PRSS58: variants seen among roughly 807,000 people sequenced by gnomAD.
PRSS58 encodes protease, serine 58.
A neutral mutation model predicts 25.0 loss-of-function variants in PRSS58; 31 were observed. The observed-to-expected ratio is 1.24, with a 90% confidence interval of 0.93 to 1.67. The LOEUF is 1.67. Among genes scored for constraint, PRSS58 ranks in the 40% most tolerant of loss-of-function variants. The pLI is 0.00. For synonymous variants in PRSS58, 119 were observed against 106.1 expected (o/e 1.12, Z -0.75); for missense variants, 324 against 287.9 (o/e 1.13, Z -0.91).
At position 142,252,573 on chromosome 7, in the gene PRSS58, C is replaced by T; in HGVS notation, c.475G>A (p.Val159Ile). The T allele has an allele frequency of 6.2e-7, 1 of 1,614,008 alleles. No individual in the cohort carries two copies. Reference protein sequence around the residue: ...PDSLQTVNISVISKPQCRDAY... With the variant: ...PDSLQTVNISIISKPQCRDAY... ...TCGCGACACTGAGGCTTGGAGATTA[C>T]AGAGATGTTCACAGTTTGCAGTGAA... The change falls in exon 5 of 6, where the codon GTA becomes ATA. Residue 159 changes from valine (V) to isoleucine (I), a missense_variant. By Grantham distance (29) the Val-to-Ile change is conservative. Coordinates refer to ENST00000547058, the MANE Select transcript of PRSS58 (RefSeq NM_001001317.5).
At chr7:142,255,381 A>G in intron 3 of PRSS58, 70 bp from the exon 4 acceptor site, 25 of 1,583,562 alleles carry the variant, frequency 1.6e-5, no homozygotes, top group Non-Finnish European at 2.2e-5. Flanking sequence ...AGCCTCTATT[A>G]TCCCTCCCCA....
intron 4 of PRSS58, 127 bp downstream of exon 4, chr7:142,254,928 A>C: frequency 1.1e-6 from 1 of 897,982 alleles, no homozygotes; most frequent in Non-Finnish European, 1.7e-6. Flanking sequence ...TCAGTGAGGT[A>C]CAGAGAAAAG....
At position 142,255,241 on chromosome 7, in the gene PRSS58, A is replaced by G. The variant is rs1215334732; in HGVS notation, c.250T>C (p.Tyr84His). 9.9e-6 allele frequency: 16 copies of G among 1,613,722 alleles called. No individual in the cohort carries two copies. Among genetic ancestry groups the G allele is most frequent in the Non-Finnish European group, 1.4e-5 (16 of 1,179,730 alleles). ...SNEKHLQVIGYEKMIHHPHFS... is the reference protein window; with the variant it reads ...SNEKHLQVIGHEKMIHHPHFS... ...TGTGGATGATGAATCATCTTCTCAT[A>G]GCCAATCACTTGCAGATGCTTTTCA... is the stretch of plus-strand genomic sequence containing the variant. Residue 84 changes from tyrosine to histidine, a missense_variant, in exon 4 of 6, where the codon TAT becomes CAT. Coordinates refer to ENST00000547058, the MANE Select transcript of PRSS58 (RefSeq NM_001001317.5).
Position 142,255,207 on chromosome 7 carries a change from A to C in PRSS58, c.284T>G (p.Val95Gly), listed in dbSNP as rs1287743137. 1.2e-6 allele frequency: 2 copies of C among 1,614,136 alleles called. No homozygotes were observed. The highest frequency in any genetic ancestry group is 1.7e-6 in the Non-Finnish European group (2 of 1,179,980). The stretch of plus-strand genomic sequence containing the variant: ...CATGATGTCATGATCAATAGAAGTG[A>C]CTGAGAAGTGTGGATGATGAATCAT... ...EKMIHHPHFSVTSIDHDIMLI... is the reference protein window; with the variant it reads ...EKMIHHPHFSGTSIDHDIMLI... Residue 95 changes from valine (V) to glycine (G), a missense_variant, in exon 4 of 6, where the codon GTC becomes GGC. Val to Gly is a moderately radical substitution (Grantham distance 109). Coordinates refer to ENST00000547058, the MANE Select transcript of PRSS58 (RefSeq NM_001001317.5).
intron 3 of PRSS58, 77 bp from the exon 4 acceptor site, chr7:142,255,388 C>A: frequency 6.3e-7 from 1 of 1,577,316 alleles, no homozygotes; most frequent in South Asian, 1.1e-5. Context: ...ATTATCCCTC[C>A]CCACAGACCT....
intron 4 of PRSS58, 111 bp downstream of exon 4, chr7:142,254,944 G>A (rs1215026603): frequency 1.8e-6 from 2 of 1,088,656 alleles, no homozygotes; most frequent in South Asian, 1.4e-5. Context: ...AAAAGGAAAG[G>A]GGGGAAAGAG....
In PRSS58 at chr7:142,252,307, C is replaced by T. The variant is rs1384729409; in HGVS notation, c.640G>A (p.Gly214Arg). The T allele has an allele frequency of 1.2e-6, 2 of 1,614,160 alleles. No homozygotes were observed. The highest frequency in any genetic ancestry group is 1.7e-6 in the Non-Finnish European group (2 of 1,180,018). ...CCAACATCAGCTCTCAAAACACATC[C>T]ATCCGCAAAAGACAGGATTCCTTGA... ...MLQGILSFAD[G>R]CVLRADVGIY... The change falls in exon 6 of 6, where the codon GGA becomes AGA. Residue 214 changes from glycine (G) to arginine (R), a missense_variant. Transcript: ENST00000547058.
intron 1 of PRSS58, 109 bp from the exon 2 acceptor site, chr7:142,257,857 G>A: frequency 1.5e-6 from 1 of 677,420 alleles, no homozygotes; most frequent in South Asian, 1.8e-5. Context: ...TAGAAATGGT[G>A]TCCATTATTC....
At chr7:142,254,886 TA>T (rs11415916) in intron 4 of PRSS58, among the ~76,000 whole-genome samples, 168 bp downstream of exon 4, 1 of 151,272 alleles carries the variant, frequency 6.6e-6, no homozygotes, top group South Asian at 2.1e-4. Context: ...AGCGGGTGAA[TA>T]AAAAAAACCC....
chr7:142,255,398 T>G (rs1563317674), intron 3 of PRSS58, 87 bp from the exon 4 acceptor site: 1 of 1,564,828 alleles, frequency 6.4e-7, no homozygotes, highest in Non-Finnish European at 8.7e-7. Flanking sequence ...CCCACAGACC[T>G]TTTTCTGTAC....
rs1326828643 is a variant in PRSS58, at chr7:142,256,889, ATGGG to A, written c.40+775_40+778del. On this transcript the variant is annotated intron_variant, in intron 2 of 5. Transcript: ENST00000547058. ...TCCAGGCAGAGGCAACAGCTGCAGC[ATGGG>A]TCCTGAGGCTTGTGTCAGTTACATC... 7.7e-3 allele frequency among the ~76,000 whole-genome samples: 1,173 copies of A among 152,314 alleles called. 4 individuals carry two copies. Among genetic ancestry groups the A allele is most frequent in the Admixed American group, 0.016 (247 of 15,300 alleles).
In PRSS58 at chr7:142,252,524, GT is replaced by G. The variant is rs755163662; in HGVS notation, c.523del (p.Thr175ArgfsTer43). The G allele has an allele frequency of 1.9e-6, 3 of 1,614,150 alleles. No individual in the cohort carries two copies. The Admixed American group carries it at 5.0e-5, about 27-fold the overall frequency. On this transcript the variant is annotated frameshift_variant, in exon 5 of 6. Transcript: ENST00000547058. LOFTEE classifies it high-confidence loss of function. ...AATGCCCACACACAGCATATTTTCCGTGATGTTGTAGGTTTTATAGGCATCG... is the reference window on the plus strand; with the variant it reads ...AATGCCCACACACAGCATATTTTCCGGATGTTGTAGGTTTTATAGGCATCG... ...CRDAYKTYNI[T>X]ENMLCVGIVP... is the part of the protein sequence containing the mutation.
intron 4 of PRSS58, among the ~76,000 whole-genome samples, chr7:142,253,294 C>T (rs774427142): frequency 6.6e-5 from 10 of 152,150 alleles, no homozygotes; most frequent in Non-Finnish European, 1.2e-4. Flanking sequence ...TCTCAATTGT[C>T]AGGTCAAAAC....
chr7:142,255,734 C>T, intron 2 of PRSS58, 61 bp from the exon 3 acceptor site: 1 of 1,485,238 alleles, frequency 6.7e-7, no homozygotes, highest in Non-Finnish European at 9.1e-7. Flanking sequence ...AGAAAAACTT[C>T]AGGAAAGTCA....
rs574152689 is a variant in PRSS58 at position 142,257,609 on chromosome 7, T to C, written c.40+59A>G. 4 of 1,452,040 alleles carry C rather than the reference T, an allele frequency of 2.8e-6. No homozygotes were observed. The African/African-American group carries it at 5.6e-5, about 20-fold the overall frequency. The allele number at this position is 1,452,040 out of a possible 1,614,324, so 89.9% of individuals were successfully genotyped here. A position where few individuals can be genotyped will look rare whatever the true frequency, so the allele number is the denominator to read the frequency against. ...GATGCCTCTCGCTGTTACCCGTCTT[T>C]CATGCTTTTCCCAGGATTTCTCTTT... On this transcript the variant is annotated intron_variant, in intron 2 of 5. Coordinates refer to ENST00000547058, the MANE Select transcript of PRSS58 (RefSeq NM_001001317.5).
intron 4 of PRSS58, 86 bp from the exon 5 acceptor site, chr7:142,252,697 C>G (rs1269620971): frequency 7.1e-6 from 10 of 1,407,662 alleles, no homozygotes; most frequent in Non-Finnish European, 7.7e-6. Flanking sequence ...CTTCTACCAT[C>G]AGAAATTAAA....
In PRSS58 at chr7:142,253,134, C is replaced by T. The variant is rs189686604; in HGVS notation, c.437-523G>A. On this transcript the variant is annotated intron_variant, in intron 4 of 5. Transcript: ENST00000547058. ...AAGCGGAGGTTGCTATGAGCCGAGA[C>T]TGCGCCACTGCACTCCAGCCTGGGT... is the stretch of plus-strand genomic sequence containing the variant. Among the ~76,000 whole-genome samples the T allele has an allele frequency of 1.8e-3, 281 of 152,256 alleles. No individual in the cohort carries two copies. The Middle Eastern group carries it at 0.024, about 13-fold the overall frequency.
intron 4 of PRSS58, 148 bp downstream of exon 4, chr7:142,254,907 G>C: frequency 1.4e-6 from 1 of 737,004 alleles, no homozygotes; most frequent in South Asian, 1.9e-5. Flanking sequence ...CAAAAACCTT[G>C]AAGCACTCCT....
At chr7:142,255,764 C>T (rs1798547324) in intron 2 of PRSS58, 91 bp from the exon 3 acceptor site, 2 of 1,167,426 alleles carry the variant, frequency 1.7e-6, no homozygotes, top group South Asian at 1.7e-5. Flanking sequence ...CTCCAAGTTC[C>T]CCTATCCTTT....
Sources: allele counts gnomAD v4.1 joint callset (sites outside exome capture counted in the v4.1 genomes callset), GRCh38; gene constraint gnomAD v4.1.1; transcripts MANE v1.5; gene names NCBI Gene and HGNC (gene_info 2026-07-23, HGNC 2026-07-21).